The following CDH10 variants were observed in gnomAD, a reference collection of about 807,000 sequenced individuals.
CDH10 encodes the protein cadherin-10.
CDH10 carries 30 observed loss-of-function variants against 73.1 expected under a neutral mutation model. The ratio of observed to expected loss-of-function variants is 0.41; its 90% confidence interval spans 0.31 to 0.56. The LOEUF is 0.56. CDH10 is among the 20% of genes least tolerant of loss of function. The probability of loss-of-function intolerance (pLI) is 0.27; values close to 1 mark genes in which losing one functional copy is unlikely to be tolerated. For missense variants in CDH10, 815 were observed against 973.7 expected (o/e 0.84, Z 2.17); for synonymous variants, 345 against 348.2 (o/e 0.99, Z 0.10).
chr5:24,582,347 A>T (rs1745833694), intron 2 of CDH10, among the ~76,000 whole-genome samples: 1 of 152,234 alleles, frequency 6.6e-6, no homozygotes, highest in Admixed American at 6.5e-5. Context: ...CTGAACTATG[A>T]TTATGCTTAA....
chr5:24,600,177 G>T (rs1309012110), intron 1 of CDH10, among the ~76,000 whole-genome samples: 2 of 151,920 alleles, frequency 1.3e-5, no homozygotes, highest in African/African-American at 4.8e-5. Flanking sequence ...TTCTTAAAGG[G>T]ATCAATCCCA....
intron 2 of CDH10, among the ~76,000 whole-genome samples, chr5:24,542,431 A>G (rs903894939): frequency 1.6e-4 from 24 of 152,188 alleles, no homozygotes; most frequent in African/African-American, 5.8e-4. Context: ...GTTTAGATAT[A>G]CGAAGACTTA....
intron 7 of CDH10, among the ~76,000 whole-genome samples, chr5:24,505,931 T>C (rs886520391): frequency 1.3e-5 from 2 of 152,156 alleles, no homozygotes; most frequent in South Asian, 2.1e-4. Context: ...CTGACCAATA[T>C]GGTGAAATTC....
At chr5:24,611,554 AT>A (rs1263094214) in intron 1 of CDH10, among the ~76,000 whole-genome samples, 1 of 152,224 alleles carries the variant, frequency 6.6e-6, no homozygotes, top group Non-Finnish European at 1.5e-5. Flanking sequence ...AAATAGGATT[AT>A]TAGAAAAATT....
chr5:24,495,738 T>C (rs1489005021), intron 9 of CDH10, among the ~76,000 whole-genome samples: 4 of 151,824 alleles, frequency 2.6e-5, no homozygotes, highest in Non-Finnish European at 4.4e-5. Context: ...TCCCAGCTAC[T>C]TGGGAGGCTG....
At chr5:24,520,046 A>G (rs1743257882) in intron 5 of CDH10, among the ~76,000 whole-genome samples, 1 of 152,134 alleles carries the variant, frequency 6.6e-6, no homozygotes, top group African/African-American at 2.4e-5. Flanking sequence ...CCTTTTCATA[A>G]ATATACCATT....
intron 1 of CDH10, among the ~76,000 whole-genome samples, chr5:24,621,904 A>G (rs1458806819): frequency 1.3e-5 from 2 of 152,226 alleles, no homozygotes; most frequent in Non-Finnish European, 2.9e-5. Context: ...AGGTAGAGAC[A>G]TGACGGAATG....
chr5:24,519,667 T>C (rs1485536740), intron 5 of CDH10, among the ~76,000 whole-genome samples: 12 of 152,330 alleles, frequency 7.9e-5, no homozygotes, highest in Middle Eastern at 6.8e-3. Context: ...TTTATACTTA[T>C]GAAATTAATA....
At chr5:24,540,276 C>T (rs939258876) in intron 2 of CDH10, among the ~76,000 whole-genome samples, 31 of 151,904 alleles carry the variant, frequency 2.0e-4, no homozygotes, top group African/African-American at 7.5e-4. Flanking sequence ...AAGAACACTG[C>T]ATAAATATAG....
At chr5:24,613,519 T>TA (rs1747022925) in intron 1 of CDH10, among the ~76,000 whole-genome samples, 1 of 41,166 alleles carries the variant, frequency 2.4e-5, no homozygotes, top group South Asian at 1.4e-3. Flanking sequence ...TCCTCTTTGC[T>TA]GGGAAAAAAA....
At chr5:24,572,293 T>G (rs919122753) in intron 2 of CDH10, among the ~76,000 whole-genome samples, 1 of 152,072 alleles carries the variant, frequency 6.6e-6, no homozygotes, top group Non-Finnish European at 1.5e-5. Context: ...GAAGTAGCAA[T>G]GCACAGAGAG....
At chr5:24,604,871 T>TCAAAAAAAAAAAAAAAAAAAAAAAAAAA in intron 1 of CDH10, among the ~76,000 whole-genome samples, 2 of 116,354 alleles carry the variant, frequency 1.7e-5, no homozygotes, top group Non-Finnish European at 3.4e-5. Flanking sequence ...AAGATGTCTC[T>TCAAAAAAAAAAAAAAAAAAAAAAAAAAA]AAAAAAAAAA....
chr5:24,552,378 A>C (rs59578436), intron 2 of CDH10, among the ~76,000 whole-genome samples: 3,602 of 152,070 alleles, frequency 0.024, 88 homozygotes, highest in East Asian at 0.087. Context: ...CTTCAATATA[A>C]TAATTATAAT....
chr5:24,522,488 T>TAAATA (rs149729376), intron 5 of CDH10, among the ~76,000 whole-genome samples: 4,033 of 149,938 alleles, frequency 0.027, 106 homozygotes, highest in East Asian at 0.084. Flanking sequence ...AGCAAGAAAG[T>TAAATA]AAATAAAATA....
rs757364698 is a variant in CDH10 at position 24,593,512 on chromosome 5, C to T, written c.-22G>A. On this transcript the variant is annotated 5_prime_UTR_variant, in exon 2 of 12. Transcript: ENST00000264463. Reference sequence around the variant, plus strand: ...TCATAGTTCACTTCTTGACAAATCCCAGTGTAGATGAAGAGAAGTGGTCCT... The same window carrying T: ...TCATAGTTCACTTCTTGACAAATCCTAGTGTAGATGAAGAGAAGTGGTCCT... The T allele has an allele frequency of 7.4e-7, 1 of 1,358,250 alleles. No homozygotes were observed. Among genetic ancestry groups the T allele is most frequent in the East Asian group, 2.3e-5 (1 of 43,490 alleles). 84.1% of individuals were successfully genotyped at this position (1,358,250 alleles called of 1,614,324 possible). A position where few individuals can be genotyped will look rare whatever the true frequency, so the allele number is the denominator to read the frequency against.
Position 24,603,527 on chromosome 5 carries a change from G to A in CDH10, c.-123-9914C>T, listed in dbSNP as rs529111114. On this transcript the variant is annotated intron_variant, in intron 1 of 11. Coordinates refer to ENST00000264463, the MANE Select transcript of CDH10 (RefSeq NM_006727.5). ...TATAATGTTGGCTCAACATTCAAAT[G>A]CCAATCATTGTTGTAACTGTCATAT... Among the ~76,000 whole-genome samples the A allele has an allele frequency of 2.6e-5, 4 of 152,160 alleles. No individual in the cohort carries two copies. The South Asian group carries it at 8.3e-4, about 32-fold the overall frequency.
At chr5:24,597,084 A>T (rs574047918) in intron 1 of CDH10, among the ~76,000 whole-genome samples, 7 of 152,138 alleles carry the variant, frequency 4.6e-5, no homozygotes, top group East Asian at 1.9e-4. Flanking sequence ...TCAAAACTAC[A>T]TTTCTTTATT....
intron 8 of CDH10, chr5:24,499,257 C>T (rs191457543): frequency 2.0e-5 from 3 of 152,720 alleles, no homozygotes. Context: ...CTGGTACCAT[C>T]TCAACATTCT....
intron 7 of CDH10, among the ~76,000 whole-genome samples, chr5:24,508,910 G>A (rs1040901130): frequency 3.3e-5 from 5 of 152,054 alleles, no homozygotes; most frequent in South Asian, 2.1e-4. Context: ...GCATGTAAAC[G>A]CAGAGTTGAC....
Sources: allele counts gnomAD v4.1 joint callset (sites outside exome capture counted in the v4.1 genomes callset), GRCh38; gene constraint gnomAD v4.1.1; transcripts MANE v1.5; gene names NCBI Gene and HGNC (gene_info 2026-07-23, HGNC 2026-07-21).